The following RNF216 variants were observed in gnomAD, a reference collection of about 807,000 sequenced individuals.
RNF216 encodes ring finger protein 216.
A neutral mutation model predicts 110.8 loss-of-function variants in RNF216; 72 were observed. The observed-to-expected ratio is 0.65, with a 90% CI of 0.54 to 0.79. The LOEUF is 0.79. Among genes scored for constraint, RNF216 ranks in the 30% least tolerant of loss-of-function variants. RNF216 has a pLI of 0.00. For synonymous variants in RNF216, 495 were observed against 407.5 expected (o/e 1.21, Z -2.59); for missense variants, 1,342 against 1,141.2 (o/e 1.18, Z -2.54).
At chr7:5,774,803 G>C (rs1232119564) in intron 1 of RNF216, among the ~76,000 whole-genome samples, 1 of 151,738 alleles carries the variant, frequency 6.6e-6, no homozygotes, top group African/African-American at 2.4e-5. Flanking sequence ...TTGTTGCCCA[G>C]GCTGGAGTGC....
At chr7:5,697,710 A>C (rs568499054) in intron 13 of RNF216, among the ~76,000 whole-genome samples, 1 of 152,294 alleles carries the variant, frequency 6.6e-6, no homozygotes, top group South Asian at 2.1e-4. Context: ...CTTTACAAGC[A>C]ATTTGAGGTG....
chr7:5,692,262 A>G (rs1390899883), intron 13 of RNF216, among the ~76,000 whole-genome samples: 1 of 152,218 alleles, frequency 6.6e-6, no homozygotes, highest in Admixed American at 6.5e-5. Context: ...TTTGCCACTA[A>G]GCCTTTTACT....
At chr7:5,672,388 A>G (rs1352912466) in intron 13 of RNF216, among the ~76,000 whole-genome samples, 1 of 152,190 alleles carries the variant, frequency 6.6e-6, no homozygotes, top group African/African-American at 2.4e-5. Context: ...AAAAACGCCA[A>G]GTTGGAGAGT....
chr7:5,628,951 C>CT (rs1325225561), intron 15 of RNF216, among the ~76,000 whole-genome samples: 1 of 152,122 alleles, frequency 6.6e-6, no homozygotes, highest in African/African-American at 2.4e-5. Context: ...AATCCCAGCA[C>CT]TTTGGGAGTT....
At chr7:5,689,559 T>A (rs1383828837) in intron 13 of RNF216, among the ~76,000 whole-genome samples, 1 of 152,132 alleles carries the variant, frequency 6.6e-6, no homozygotes, top group Non-Finnish European at 1.5e-5. Context: ...TCCTTTTCTC[T>A]TGGACTTCCT....
intron 13 of RNF216, among the ~76,000 whole-genome samples, chr7:5,698,384 TACACACACAC>T (rs376096873): frequency 4.5e-4 from 66 of 145,394 alleles, no homozygotes; most frequent in African/African-American, 1.6e-3. Context: ...GATTCTTTTA[TACACACACAC>T]ACACACACAC....
chr7:5,739,924 A>G, intron 4 of RNF216, among the ~76,000 whole-genome samples: 1 of 149,874 alleles, frequency 6.7e-6, no homozygotes, highest in South Asian at 2.2e-4. Flanking sequence ...AATCGCTTGA[A>G]CCCAGGAGGC....
At chr7:5,776,594 CAAAA>C (rs35304255) in intron 1 of RNF216, among the ~76,000 whole-genome samples, 1 of 62,464 alleles carries the variant, frequency 1.6e-5, no homozygotes, top group Non-Finnish European at 2.9e-5. Flanking sequence ...GACTCCGTCT[CAAAA>C]AAAAAAAAAA....
Position 5,740,454 on chromosome 7 carries a change from T to C in RNF216, c.1044+519A>G, listed in dbSNP as rs535361780. Among the ~76,000 whole-genome samples the C allele has an allele frequency of 9.9e-4, 151 of 152,272 alleles. 3 individuals are homozygous for C. The highest frequency in any genetic ancestry group is 6.7e-4 in the African/African-American group (28 of 41,548). On this transcript the variant is annotated intron_variant, in intron 4 of 16. Coordinates refer to ENST00000389902, the MANE Select transcript of RNF216 (RefSeq NM_207111.4). ...GTGTTACTCTTAATATCACCACTAATAGAACTTTGTTGGATGACAGAAACA... is the reference window on the plus strand; with the variant it reads ...GTGTTACTCTTAATATCACCACTAACAGAACTTTGTTGGATGACAGAAACA...
chr7:5,728,434 C>T (rs1313770637), intron 7 of RNF216, among the ~76,000 whole-genome samples: 3 of 151,866 alleles, frequency 2.0e-5, no homozygotes, highest in East Asian at 1.9e-4. Flanking sequence ...ACCAACCAGG[C>T]GCGGTGGTGA....
intron 5 of RNF216, among the ~76,000 whole-genome samples, chr7:5,737,952 G>A (rs754620355): frequency 9.9e-5 from 15 of 151,908 alleles, no homozygotes; most frequent in Non-Finnish European, 1.8e-4. Context: ...GCCGGACAGG[G>A]TGGAGTACGC....
At chr7:5,691,810 C>T (rs757125082) in intron 13 of RNF216, among the ~76,000 whole-genome samples, 9 of 152,156 alleles carry the variant, frequency 5.9e-5, no homozygotes, top group African/African-American at 9.7e-5. Flanking sequence ...AACATATTTT[C>T]GATGTTTTAA....
intron 5 of RNF216, among the ~76,000 whole-genome samples, chr7:5,733,625 A>G (rs1794216838): frequency 6.6e-6 from 1 of 151,914 alleles, no homozygotes; most frequent in Non-Finnish European, 1.5e-5. Flanking sequence ...TGTAATGAAC[A>G]AACCTGTATT....
At chr7:5,754,305 A>G (rs1795499464) in intron 2 of RNF216, among the ~76,000 whole-genome samples, 1 of 151,898 alleles carries the variant, frequency 6.6e-6, no homozygotes, top group African/African-American at 2.4e-5. Flanking sequence ...ACAGGTGCAC[A>G]CTACTTTGAA....
chr7:5,709,410 C>A (rs1792516078), intron 13 of RNF216, among the ~76,000 whole-genome samples: 1 of 152,182 alleles, frequency 6.6e-6, no homozygotes, highest in African/African-American at 2.4e-5. Flanking sequence ...CTGGATTTCT[C>A]ACAGAGAGAA....
intron 1 of RNF216, among the ~76,000 whole-genome samples, chr7:5,776,124 A>G (rs62455881): frequency 0.028 from 4,216 of 152,244 alleles, 90 homozygotes; most frequent in Non-Finnish European, 0.041. Context: ...CTCCATATCC[A>G]TATGTGAAAG....
intron 16 of RNF216, among the ~76,000 whole-genome samples, chr7:5,623,465 C>CT (rs34566454): frequency 0.02 from 2,878 of 142,096 alleles, 75 homozygotes; most frequent in African/African-American, 0.066. Context: ...GACTCAGTTA[C>CT]TTTTTTTTTT....
chr7:5,753,898 G>C (rs1795464957), intron 2 of RNF216, among the ~76,000 whole-genome samples: 1 of 152,152 alleles, frequency 6.6e-6, no homozygotes, highest in African/African-American at 2.4e-5. Context: ...AGGAGGCTGA[G>C]GCAGGAGAAT....
chr7:5,729,215 AC>A (rs1326733619), intron 7 of RNF216, among the ~76,000 whole-genome samples: 1 of 152,168 alleles, frequency 6.6e-6, no homozygotes, highest in African/African-American at 2.4e-5. Flanking sequence ...CCATGTTTTT[AC>A]GGTCAAAGCA....
Sources: allele counts gnomAD v4.1 joint callset (sites outside exome capture counted in the v4.1 genomes callset), GRCh38; gene constraint gnomAD v4.1.1; transcripts MANE v1.5; gene names NCBI Gene and HGNC (gene_info 2026-07-23, HGNC 2026-07-21).